GPR137B: variants seen among roughly 807,000 people sequenced by gnomAD.
GPR137B encodes integral membrane protein GPR137B.
Under a neutral mutation model 42.5 loss-of-function variants are expected in GPR137B, and 42 were observed. That is an observed-to-expected ratio of 0.99 (90% confidence interval 0.77 to 1.28). The LOEUF is 1.28. Among genes scored for constraint, GPR137B ranks in the 50% most tolerant of loss-of-function variants. The pLI, the probability that GPR137B is intolerant of heterozygous loss-of-function variation, is 0.00. For missense variants in GPR137B, 487 were observed against 493.9 expected (o/e 0.99, Z 0.13); for synonymous variants, 218 against 209.7 (o/e 1.04, Z -0.34).
intron 5 of GPR137B, among the ~76,000 whole-genome samples, chr1:236,187,414 G>A (rs2102916902): frequency 6.6e-6 from 1 of 152,278 alleles, no homozygotes; most frequent in Middle Eastern, 3.4e-3. Flanking sequence ...CCATGCCTAT[G>A]TCCTGAATGG....
chr1:236,207,176 CAG>C, intron 6 of GPR137B: 2 of 984,970 alleles, frequency 2.0e-6, no homozygotes, highest in Non-Finnish European at 2.4e-6. Flanking sequence ...CATGCTTTCT[CAG>C]TGATCGGGGA....
chr1:236,165,912 A>T (rs1232846617), intron 1 of GPR137B, among the ~76,000 whole-genome samples: 1 of 152,222 alleles, frequency 6.6e-6, no homozygotes, highest in African/African-American at 2.4e-5. Context: ...AAATTCTTAC[A>T]AGTGGAATTG....
At position 236,205,180 on chromosome 1, in the gene GPR137B, G is replaced by T; in HGVS notation, c.1021G>T (p.Asp341Tyr). Residue 341 changes from aspartate to tyrosine, a missense_variant, in exon 6 of 7, where the codon GAC becomes TAC. Asp to Tyr is a radical substitution (Grantham distance 160). Transcript: ENST00000366592. ...HGFSPRSYFFDNPRRYDSDDD... is the reference protein window; with the variant it reads ...HGFSPRSYFFYNPRRYDSDDD... Reference sequence around the variant, plus strand: ...ATTCAGTCCCAGATCTTATTTCTTTGACAACCCTCGAAGATATGACAGTGA... The same window carrying T: ...ATTCAGTCCCAGATCTTATTTCTTTTACAACCCTCGAAGATATGACAGTGA... 6.2e-7 allele frequency: 1 copy of T among 1,613,142 alleles called. No individual in the cohort carries two copies. The highest frequency in any genetic ancestry group is 1.1e-5 in the South Asian group (1 of 91,024).
intron 1 of GPR137B, among the ~76,000 whole-genome samples, chr1:236,143,712 A>C (rs1571952234): frequency 6.6e-6 from 1 of 152,286 alleles, no homozygotes; most frequent in African/African-American, 2.4e-5. Context: ...ATAAAAGCTG[A>C]CTGGGGCTCT....
At chr1:236,207,771 G>C (rs1663704827) in intron 6 of GPR137B, among the ~76,000 whole-genome samples, 1 of 152,190 alleles carries the variant, frequency 6.6e-6, no homozygotes, top group Non-Finnish European at 1.5e-5. Context: ...TTCAGATGCA[G>C]TTTGTTGCTG....
At chr1:236,168,859 G>A (rs1037336342) in intron 2 of GPR137B, 104 bp downstream of exon 2, 37 of 853,704 alleles carry the variant, frequency 4.3e-5, no homozygotes, top group South Asian at 6.8e-5. Flanking sequence ...TCTGTGAGCC[G>A]CCGGAAACAG....
At chr1:236,178,712 TTTGATGAATTTTAGACTTGATTTTGCC>T (rs1571988619) in intron 3 of GPR137B, 76 bp downstream of exon 3, 2 of 935,292 alleles carry the variant, frequency 2.1e-6, no homozygotes, top group Non-Finnish European at 3.4e-6. Context: ...AAAAGTACAT[TTTGATGAATTTTAGACTTGATTTTGCC>T]TTGACTTTCT....
In GPR137B at chr1:236,174,572, C is replaced by T. The variant is rs573274450; in HGVS notation, c.465-3842C>T. Among the ~76,000 whole-genome samples, 7 of 152,268 alleles carry T rather than the reference C, an allele frequency of 4.6e-5. No individual in the cohort carries two copies. The South Asian group carries it at 1.5e-3, about 32-fold the overall frequency. ...GAGTGGGAATGAAGAATCTACTGAC[C>T]TTGACAATGGATTATATAGGGGGTG... On this transcript the variant is annotated intron_variant, in intron 2 of 6. Transcript: ENST00000366592.
intron 1 of GPR137B, among the ~76,000 whole-genome samples, chr1:236,166,135 G>A (rs993878317): frequency 1.3e-5 from 2 of 152,128 alleles, no homozygotes; most frequent in African/African-American, 4.8e-5. Flanking sequence ...TTCTCACTTT[G>A]GCATTTGTGA....
chr1:236,198,401 T>C (rs1445667724), intron 5 of GPR137B, among the ~76,000 whole-genome samples: 2 of 151,986 alleles, frequency 1.3e-5, no homozygotes, highest in Non-Finnish European at 2.9e-5. Context: ...AGACAGGGTT[T>C]TGCCATGTTG....
At chr1:236,163,933 TCTC>T (rs1263481742) in intron 1 of GPR137B, among the ~76,000 whole-genome samples, 6 of 149,354 alleles carry the variant, frequency 4.0e-5, no homozygotes, top group South Asian at 2.1e-4. Context: ...ACTTTTCACA[TCTC>T]CTCCCATCTC....
At chr1:236,184,135 A>G (rs927712876) in intron 5 of GPR137B, among the ~76,000 whole-genome samples, 29 of 152,196 alleles carry the variant, frequency 1.9e-4, no homozygotes, top group African/African-American at 7.0e-4. Flanking sequence ...TATAAGTTGC[A>G]TCTTAAGGCC....
intron 1 of GPR137B, among the ~76,000 whole-genome samples, chr1:236,143,521 G>A (rs1661595776): frequency 6.6e-6 from 1 of 152,240 alleles, no homozygotes; most frequent in Non-Finnish European, 1.5e-5. Context: ...GGCAGGGTGA[G>A]ACCATGTTGG....
rs771797083 is a variant in GPR137B, at chr1:236,178,533, T to C, written c.584T>C (p.Val195Ala). 6.2e-7 allele frequency: 1 copy of C among 1,612,924 alleles called. No homozygotes were observed. The highest frequency in any genetic ancestry group is 1.3e-5 in the African/African-American group (1 of 74,814). The change falls in exon 3 of 7, where the codon GTG becomes GCG. Residue 195 changes from valine (V) to alanine (A), a missense_variant. Val to Ala is a moderately conservative substitution (Grantham distance 64). Transcript: ENST00000366592. ...AGGAAGGTTATCGTCTCTGTGCGAG[T>C]GGCCATTAATGACACGCTCTTCGTG... ...WERKVIVSVR[V>A]AINDTLFVLC...
chr1:236,208,114 T>A lies in GPR137B; in HGVS notation c.1156T>A (p.Leu386Met). 1.2e-6 allele frequency: 2 copies of A among 1,613,772 alleles called. No individual in the cohort carries two copies. Among genetic ancestry groups the A allele is most frequent in the Non-Finnish European group, 1.7e-6 (2 of 1,179,672 alleles). Residue 386 changes from leucine to methionine, a missense_variant, in exon 7 of 7, where the codon TTG (leucine) becomes ATG (methionine). Transcript: ENST00000366592. ...CAGCTTCCTGGCACAAGCAGGAACT[T>A]TGCAAGACTCAACTTTGGATCCTGA... is the stretch of plus-strand genomic sequence containing the variant. ...TNSFLAQAGTLQDSTLDPDKP... is the reference protein window; with the variant it reads ...TNSFLAQAGTMQDSTLDPDKP...
At chr1:236,159,773 G>A (rs1662136106) in intron 1 of GPR137B, among the ~76,000 whole-genome samples, 1 of 152,242 alleles carries the variant, frequency 6.6e-6, no homozygotes, top group Non-Finnish European at 1.5e-5. Context: ...TACGTCACAT[G>A]CAGAGCTCTA....
intron 1 of GPR137B, among the ~76,000 whole-genome samples, chr1:236,153,593 C>G (rs1661933976): frequency 6.6e-6 from 1 of 152,252 alleles, no homozygotes; most frequent in Non-Finnish European, 1.5e-5. Flanking sequence ...ACTGTGCAGA[C>G]TGTTTAAGGT....
chr1:236,171,373 C>T lies in GPR137B; in HGVS notation c.464+2618C>T, dbSNP rs1352675565. Among the ~76,000 whole-genome samples the T allele has an allele frequency of 1.3e-5, 2 of 152,148 alleles. No individual in the cohort carries two copies. The highest frequency in any genetic ancestry group is 1.5e-5 in the Non-Finnish European group (1 of 68,032). On this transcript the variant is annotated intron_variant, in intron 2 of 6. Transcript: ENST00000366592. The surrounding 1 kb of genome is among the most constrained non-coding windows in gnomAD (Gnocchi z 4.4). Reference sequence around the variant, plus strand: ...TGCATCTATAGTCTTTGCCCTGCATCCCCCCAGCCAGAAATGTAGGTCAAA... The same window carrying T: ...TGCATCTATAGTCTTTGCCCTGCATTCCCCCAGCCAGAAATGTAGGTCAAA...
chr1:236,194,354 G>T (rs529552053), intron 5 of GPR137B, among the ~76,000 whole-genome samples: 2 of 152,106 alleles, frequency 1.3e-5, no homozygotes, highest in Non-Finnish European at 2.9e-5. Flanking sequence ...TGTATATGGT[G>T]TGAGATAAGG....
Sources: allele counts gnomAD v4.1 joint callset (sites outside exome capture counted in the v4.1 genomes callset), GRCh38; gene constraint gnomAD v4.1.1; non-coding constraint Gnocchi (gnomAD v3.1); transcripts MANE v1.5; gene names NCBI Gene and HGNC (gene_info 2026-07-23, HGNC 2026-07-21).